PRDM16: variants seen among roughly 807,000 people sequenced by gnomAD.
PRDM16 encodes PR/SET domain 16, also known as histone-lysine N-methyltransferase PRDM16.
A neutral mutation model predicts 110.6 loss-of-function variants in PRDM16; 23 were observed. That is an observed-to-expected ratio of 0.21 (90% confidence interval 0.15 to 0.29). The LOEUF (loss-of-function observed/expected upper bound fraction) is 0.29. PRDM16 is among the 10% of genes least tolerant of loss of function. The probability of loss-of-function intolerance (pLI) is 1.00; values close to 1 mark genes in which losing one functional copy is unlikely to be tolerated. For missense variants in PRDM16, 1,615 were observed against 1,794.3 expected (o/e 0.90, Z 1.81); for synonymous variants, 799 against 781.8 (o/e 1.02, Z -0.37).
chr1:3,225,312 A>T (rs1235879166), intron 2 of PRDM16, among the ~76,000 whole-genome samples: 1 of 152,174 alleles, frequency 6.6e-6, no homozygotes, highest in Non-Finnish European at 1.5e-5. Flanking sequence ...TGCCTGGCAA[A>T]CGGCGGTTTG....
chr1:3,256,457 A>G (rs1327727972), intron 3 of PRDM16, among the ~76,000 whole-genome samples: 1 of 152,238 alleles, frequency 6.6e-6, no homozygotes. Context: ...TATCACACCA[A>G]CGTAGGTGTT....
chr1:3,069,402 C>T lies in PRDM16; in HGVS notation c.37+106C>T. On this transcript the variant is annotated intron_variant, in intron 1 of 16. Transcript: ENST00000270722. The surrounding 1 kb of genome is among the most constrained non-coding windows in gnomAD (Gnocchi z 6.1). ...CGGGGCGCGGCCGGCGCGCCTGCGG[C>T]TCCGGGCCCCCGGCTCGGCCGCGCG... 5.1e-6 allele frequency: 1 copy of T among 197,240 alleles called. No homozygotes were observed. The highest frequency in any genetic ancestry group is 8.7e-6 in the Non-Finnish European group (1 of 114,376). The allele number at this position is 197,240 out of a possible 1,614,324, so 12.2% of individuals were successfully genotyped here.
intron 1 of PRDM16, among the ~76,000 whole-genome samples, chr1:3,109,083 A>AAATAATAATAATAAT (rs61356047): frequency 1.2e-3 from 169 of 145,398 alleles, no homozygotes; most frequent in African/African-American, 3.7e-3. Flanking sequence ...CTCCATCTCA[A>AAATAATAATAATAAT]AATAATAATA....
intron 4 of PRDM16, among the ~76,000 whole-genome samples, chr1:3,395,369 C>T (rs1457270532): frequency 6.6e-6 from 1 of 152,136 alleles, no homozygotes; most frequent in East Asian, 1.9e-4. Context: ...GGAGCCCTTC[C>T]CTTTCTGAGT....
intron 3 of PRDM16, among the ~76,000 whole-genome samples, chr1:3,285,580 G>C (rs1327228568): frequency 1.3e-5 from 2 of 152,164 alleles, no homozygotes; most frequent in Non-Finnish European, 2.9e-5. Context: ...GCTCGCTCGG[G>C]CTTCTTCGCT....
At position 3,219,903 on chromosome 1, in the gene PRDM16, G is replaced by A. The variant is rs555089310; in HGVS notation, c.388-24184G>A. Among the ~76,000 whole-genome samples the A allele has an allele frequency of 3.9e-5, 6 of 152,316 alleles. No homozygotes were observed. The East Asian group carries it at 5.8e-4, about 15-fold the overall frequency. ...CAGGCATGAGGTCCCCCGGATCCAC[G>A]GAGCTAGCACAGGCCATGGACCCAG... On this transcript the variant is annotated intron_variant, in intron 2 of 16. Transcript: ENST00000270722.
chr1:3,268,318 A>C (rs1258889513), intron 3 of PRDM16, among the ~76,000 whole-genome samples: 1 of 152,258 alleles, frequency 6.6e-6, no homozygotes, highest in African/African-American at 2.4e-5. Context: ...TAATTAAAAA[A>C]GAAGGCTTAT....
intron 2 of PRDM16, among the ~76,000 whole-genome samples, chr1:3,220,760 C>T (rs1290044644): frequency 6.6e-6 from 1 of 152,176 alleles, no homozygotes; most frequent in Non-Finnish European, 1.5e-5. Context: ...AGGGAGGCAG[C>T]CCAGGGTGCA....
rs1222106030 is a variant in PRDM16, at chr1:3,290,382, G to C, written c.438+46245G>C. Among the ~76,000 whole-genome samples the C allele has an allele frequency of 6.6e-6, 1 of 152,186 alleles. No homozygotes were observed. The highest frequency in any genetic ancestry group is 1.5e-5 in the Non-Finnish European group (1 of 68,036). ...CTCAGTATCCCCACCTTATAGATGA[G>C]GAGGCACAGAGAGGGGGAAATTTGC... is the stretch of plus-strand genomic sequence containing the variant. On this transcript the variant is annotated intron_variant, in intron 3 of 16. Transcript: ENST00000270722. The surrounding 1 kb of genome is among the most constrained non-coding windows in gnomAD (Gnocchi z 4.8).
At chr1:3,378,216 G>A (rs531021280) in intron 3 of PRDM16, among the ~76,000 whole-genome samples, 10 of 152,308 alleles carry the variant, frequency 6.6e-5, no homozygotes, top group East Asian at 3.9e-4. Context: ...TTCTTCCACC[G>A]ATCCCTGATT....
In PRDM16 at chr1:3,202,350, G is replaced by A. The variant is rs568149733; in HGVS notation, c.387+15876G>A. On this transcript the variant is annotated intron_variant, in intron 2 of 16. Coordinates refer to ENST00000270722, the MANE Select transcript of PRDM16 (RefSeq NM_022114.4). ...GCATCCTTCATGCTGGGGGAGTCTGGGGGAGGCTGGGGAAGCCTAGGGGAG... is the reference window on the plus strand; with the variant it reads ...GCATCCTTCATGCTGGGGGAGTCTGAGGGAGGCTGGGGAAGCCTAGGGGAG... 3.1e-3 allele frequency among the ~76,000 whole-genome samples: 465 copies of A among 151,190 alleles called. 3 individuals carry two copies. The highest frequency in any genetic ancestry group is 5.0e-3 in the Non-Finnish European group (337 of 67,722).
intron 1 of PRDM16, among the ~76,000 whole-genome samples, chr1:3,073,517 C>T (rs1410519833): frequency 6.6e-6 from 1 of 152,184 alleles, no homozygotes; most frequent in African/African-American, 2.4e-5. Flanking sequence ...GCGGGAGGAC[C>T]AGGAGCAGCT....
intron 3 of PRDM16, among the ~76,000 whole-genome samples, chr1:3,373,027 A>G (rs1244365481): frequency 1.3e-5 from 2 of 152,194 alleles, no homozygotes; most frequent in African/African-American, 4.8e-5. Context: ...TTATATCAGC[A>G]GCTTGGGCAT....
In PRDM16 at chr1:3,080,923, C is replaced by T. The variant is rs1642009711; in HGVS notation, c.37+11627C>T. Among the ~76,000 whole-genome samples, 1 of 152,048 alleles carries T rather than the reference C, an allele frequency of 6.6e-6. No individual in the cohort carries two copies. The highest frequency in any genetic ancestry group is 2.1e-4 in the South Asian group (1 of 4,814). On this transcript the variant is annotated intron_variant, in intron 1 of 16. Transcript: ENST00000270722. The surrounding 1 kb of genome is among the most constrained non-coding windows in gnomAD (Gnocchi z 5.2). ...CAACGCTTCCCGGAGAGCTTGTGTG[C>T]CTGAGAGTGTGTGTGTGTAGAGGGG...
Position 3,350,179 on chromosome 1 carries a change from A to T in PRDM16, c.439-34973A>T, listed in dbSNP as rs1489906898. On this transcript the variant is annotated intron_variant, in intron 3 of 16. Coordinates refer to ENST00000270722, the MANE Select transcript of PRDM16 (RefSeq NM_022114.4). The surrounding 1 kb of genome is among the most constrained non-coding windows in gnomAD (Gnocchi z 7.1). ...TATCTCTACAAAAAATACAAAAATT[A>T]GCCTGATGTGATGGCATGTGCTGGT... 1.3e-5 allele frequency among the ~76,000 whole-genome samples: 2 copies of T among 152,176 alleles called. No homozygotes were observed. The highest frequency in any genetic ancestry group is 4.8e-5 in the African/African-American group (2 of 41,444).
At chr1:3,109,884 C>CCAGACA (rs563935774) in intron 1 of PRDM16, among the ~76,000 whole-genome samples, 1 of 152,254 alleles carries the variant, frequency 6.6e-6, no homozygotes, top group Non-Finnish European at 1.5e-5. Context: ...TCACCTCTTT[C>CCAGACA]CAGACACAGA....
At chr1:3,087,063 G>T (rs1216426657) in intron 1 of PRDM16, among the ~76,000 whole-genome samples, 1 of 152,182 alleles carries the variant, frequency 6.6e-6, no homozygotes, top group Non-Finnish European at 1.5e-5. Context: ...ATATGGAAAC[G>T]CTGCACGTGC....
At chr1:3,084,786 C>T (rs1030764923) in intron 1 of PRDM16, among the ~76,000 whole-genome samples, 5 of 152,178 alleles carry the variant, frequency 3.3e-5, no homozygotes, top group African/African-American at 7.2e-5. Flanking sequence ...TGTTCTCGGG[C>T]GTCCCCCTTG....
intron 3 of PRDM16, among the ~76,000 whole-genome samples, chr1:3,248,733 C>T (rs1413239581): frequency 5.3e-5 from 8 of 152,224 alleles, no homozygotes; most frequent in African/African-American, 1.9e-4. Context: ...CTTGCATTGT[C>T]CAAACAGGGT....
Sources: gnomAD v4.1 joint callset for allele counts (sites outside exome capture counted in the v4.1 genomes callset) on GRCh38, gnomAD v4.1.1 for gene constraint, Gnocchi (gnomAD v3.1) non-coding constraint, MANE v1.5 for transcripts, NCBI Gene and HGNC (gene_info 2026-07-23, HGNC 2026-07-21) for gene names.